SLC6A11: variants seen among roughly 807,000 people sequenced by gnomAD.
SLC6A11 encodes sodium- and chloride-dependent GABA transporter 3.
A neutral mutation model predicts 74.8 loss-of-function variants in SLC6A11; 25 were observed. The observed-to-expected ratio is 0.33, with a 90% CI of 0.24 to 0.47. SLC6A11 has a LOEUF of 0.47. SLC6A11 is among the 20% of genes least tolerant of loss of function. The pLI, the probability that SLC6A11 is intolerant of heterozygous loss-of-function variation, is 1.00. For synonymous variants in SLC6A11, 330 were observed against 330.2 expected, an observed-to-expected ratio of 1.00 and a Z score of 0.01; for missense variants, 574 against 837.0, an observed-to-expected ratio of 0.69 and a Z score of 3.88.
At chr3:10,829,854 C>T (rs1694271835) in intron 4 of SLC6A11, among the ~76,000 whole-genome samples, 1 of 152,172 alleles carries the variant, frequency 6.6e-6, no homozygotes, top group South Asian at 2.1e-4. Flanking sequence ...TTAGAGAAGG[C>T]TCATCAAGCA....
chr3:10,922,337 C>T (rs1212560768), intron 8 of SLC6A11, among the ~76,000 whole-genome samples: 1 of 152,090 alleles, frequency 6.6e-6, no homozygotes, highest in African/African-American at 2.4e-5. Context: ...CTTAAAAAGC[C>T]TTTAACAAGA....
In SLC6A11 at chr3:10,926,149, G is replaced by C. The variant is rs746328420; in HGVS notation, c.1233+33G>C. 6.9e-7 allele frequency: 1 copy of C among 1,456,730 alleles called. No individual in the cohort carries two copies. Among genetic ancestry groups the C allele is most frequent in the South Asian group, 1.2e-5 (1 of 86,230 alleles). 90.2% of individuals were successfully genotyped at this position (1,456,730 alleles called of 1,614,324 possible). A position where few individuals can be genotyped will look rare whatever the true frequency, so the allele number is the denominator to read the frequency against. ...GCCATGGGGATGGGGAGCCCAGGAG[G>C]GAGGGGAGCCTGGGCCAGGAGGCCA... On this transcript the variant is annotated intron_variant, in intron 9 of 13. Transcript: ENST00000254488. The surrounding 1 kb of genome is among the most constrained non-coding windows in gnomAD (Gnocchi z 5.7).
chr3:10,933,922 G>A (rs759138438), intron 11 of SLC6A11, 144 bp from the exon 12 acceptor site: 23 of 582,342 alleles, frequency 3.9e-5, no homozygotes, highest in Non-Finnish European at 5.7e-5. Context: ...GTAACATCTC[G>A]GTCGTTGTTT....
chr3:10,837,633 T>C (rs149653681), intron 4 of SLC6A11, among the ~76,000 whole-genome samples: 16 of 152,270 alleles, frequency 1.1e-4, no homozygotes, highest in African/African-American at 3.1e-4. Flanking sequence ...AGGTGAGAAA[T>C]GCAAGCTGTA....
intron 6 of SLC6A11, among the ~76,000 whole-genome samples, chr3:10,891,546 T>G (rs1228308448): frequency 6.6e-6 from 1 of 152,242 alleles, no homozygotes; most frequent in East Asian, 1.9e-4. Flanking sequence ...TAGAGTAAAA[T>G]TATACTCATG....
intron 5 of SLC6A11, among the ~76,000 whole-genome samples, chr3:10,873,037 A>G (rs1694845069): frequency 6.6e-6 from 1 of 152,036 alleles, no homozygotes. Context: ...CAAAAGAGAA[A>G]AGTCAGAACT....
At chr3:10,833,038 A>G (rs1694317789) in intron 4 of SLC6A11, among the ~76,000 whole-genome samples, 1 of 152,102 alleles carries the variant, frequency 6.6e-6, no homozygotes, top group African/African-American at 2.4e-5. Flanking sequence ...CCAGGCACCA[A>G]GAAGCACTTC....
chr3:10,919,650 T>G (rs1488295518), intron 8 of SLC6A11, among the ~76,000 whole-genome samples: 1 of 152,202 alleles, frequency 6.6e-6, no homozygotes, highest in Admixed American at 6.5e-5. Context: ...GTCATGTTTA[T>G]CAGAGATGCA....
chr3:10,830,897 A>T (rs920728091), intron 4 of SLC6A11, among the ~76,000 whole-genome samples: 1 of 152,192 alleles, frequency 6.6e-6, no homozygotes, highest in Non-Finnish European at 1.5e-5. Context: ...CCCAGGCTGC[A>T]GGTGGAGGCC....
intron 6 of SLC6A11, among the ~76,000 whole-genome samples, chr3:10,883,835 AAAGTAGTGGC>A (rs1226146679): frequency 2.0e-5 from 3 of 152,100 alleles, no homozygotes; most frequent in African/African-American, 4.8e-5. Flanking sequence ...AAAATATTGC[AAAGTAGTGGC>A]CCTCACTGAG....
rs189814048 is a variant in SLC6A11, at chr3:10,901,127, G to A, written c.892-10963G>A. Among the ~76,000 whole-genome samples, 469 of 152,300 alleles carry A rather than the reference G, an allele frequency of 3.1e-3. 3 individuals are homozygous for A. The highest frequency in any genetic ancestry group is 0.011 in the African/African-American group (448 of 41,564). On this transcript the variant is annotated intron_variant, in intron 6 of 13. Transcript: ENST00000254488. ...GCCTAAACTGTCTTTCCCTGAGTCT[G>A]CATGGACATCTTGGGAAGAGCTTGG... is the stretch of plus-strand genomic sequence containing the variant.
intron 6 of SLC6A11, among the ~76,000 whole-genome samples, chr3:10,898,472 G>A (rs1479620892): frequency 6.6e-5 from 10 of 152,188 alleles, no homozygotes; most frequent in Non-Finnish European, 5.9e-5. Context: ...TCTTCCACCA[G>A]ATACCCTAAA....
rs376575308 is a variant in SLC6A11 at position 10,926,248 on chromosome 3, G to A, written c.1233+132G>A. 171 of 623,852 alleles carry A rather than the reference G, an allele frequency of 2.7e-4. No individual in the cohort carries two copies. The highest frequency in any genetic ancestry group is 1.2e-3 in the East Asian group (46 of 37,436). 38.6% of individuals were successfully genotyped at this position (623,852 alleles called of 1,614,324 possible). A position where few individuals can be genotyped will look rare whatever the true frequency, so the allele number is the denominator to read the frequency against. On this transcript the variant is annotated intron_variant, in intron 9 of 13. Coordinates refer to ENST00000254488, the MANE Select transcript of SLC6A11 (RefSeq NM_014229.3). The surrounding 1 kb of genome is among the most constrained non-coding windows in gnomAD (Gnocchi z 5.7). ...CCCTGGCATCAGGGCCCTGCCCACC[G>A]TCCCCCATTCCACCCTCCACTTCCC...
intron 6 of SLC6A11, among the ~76,000 whole-genome samples, chr3:10,883,717 C>A (rs1272904171): frequency 6.6e-6 from 1 of 152,156 alleles, no homozygotes; most frequent in African/African-American, 2.4e-5. Context: ...TGGCAGTGTA[C>A]TCTGATTCTA....
intron 5 of SLC6A11, among the ~76,000 whole-genome samples, chr3:10,856,807 C>T (rs572075010): frequency 6.6e-6 from 1 of 152,286 alleles, no homozygotes; most frequent in East Asian, 1.9e-4. Context: ...CAGGCAGGCC[C>T]CGGTCTGAAT....
rs1449158693 is a variant in SLC6A11 at position 10,933,203 on chromosome 3, G to A, written c.1424G>A (p.Cys475Tyr). Residue 475 changes from cysteine (C) to tyrosine (Y), a missense_variant, in exon 11 of 14, where the codon TGC (cysteine) becomes TAC (tyrosine). Physicochemically the swap from Cys to Tyr is radical, Grantham distance 194. Coordinates refer to ENST00000254488, the MANE Select transcript of SLC6A11 (RefSeq NM_014229.3). ...GACTCCTATGCCGCCAGTGGGATGT[G>A]CCTTCTCTTCGTGGCCATCTTTGAG... ...LFDSYAASGM[C>Y]LLFVAIFECI... 6.2e-7 allele frequency: 1 copy of A among 1,614,102 alleles called. No individual in the cohort carries two copies. The highest frequency in any genetic ancestry group is 8.5e-7 in the Non-Finnish European group (1 of 1,180,028).
intron 7 of SLC6A11, among the ~76,000 whole-genome samples, chr3:10,912,991 T>C (rs1695407903): frequency 6.6e-6 from 1 of 151,392 alleles, no homozygotes; most frequent in Non-Finnish European, 1.5e-5. Context: ...GATAAGACCA[T>C]GGAATCATGA....
intron 4 of SLC6A11, among the ~76,000 whole-genome samples, chr3:10,831,185 C>G (rs1240921759): frequency 6.6e-6 from 1 of 152,008 alleles, no homozygotes; most frequent in African/African-American, 2.4e-5. Context: ...CTCTCAAGTC[C>G]CCATTTTTTT....
chr3:10,929,311 A>G lies in SLC6A11; in HGVS notation c.1343A>G (p.Tyr448Cys), dbSNP rs750709134. 1.2e-5 allele frequency: 20 copies of G among 1,613,420 alleles called. No homozygotes were observed. The East Asian group carries it at 2.5e-4, about 20-fold the overall frequency. The stretch of plus-strand genomic sequence containing the variant: ...ATCCTAGCCTTGTCTGTTATCTCCT[A>G]TTTTCTGGGCCTCGTGATGTTAACA... ...LLILALSVIS[Y>C]FLGLVMLTEG... The change falls in exon 10 of 14, where the codon TAT becomes TGT. Residue 448 changes from tyrosine (Y) to cysteine (C), a missense_variant. Physicochemically the swap from Tyr to Cys is radical, Grantham distance 194. Transcript: ENST00000254488.
Sources: allele counts gnomAD v4.1 joint callset (sites outside exome capture counted in the v4.1 genomes callset), GRCh38; gene constraint gnomAD v4.1.1; non-coding constraint Gnocchi (gnomAD v3.1); transcripts MANE v1.5; gene names NCBI Gene and HGNC (gene_info 2026-07-23, HGNC 2026-07-21).